PALS1: variants seen among roughly 807,000 people sequenced by gnomAD.
The protein encoded by PALS1 is protein PALS1.
A neutral mutation model predicts 78.9 loss-of-function variants in PALS1; 31 were observed. That is an observed-to-expected ratio of 0.39 (90% CI 0.30 to 0.53). PALS1 has a LOEUF of 0.53. PALS1 is among the 20% of genes least tolerant of loss of function. The probability of loss-of-function intolerance (pLI) is 0.67; values close to 1 mark genes in which losing one functional copy is unlikely to be tolerated. For missense variants in PALS1, 704 were observed against 826.5 expected, an observed-to-expected ratio of 0.85 and a Z score of 1.82; for synonymous variants, 276 against 270.9, an observed-to-expected ratio of 1.02 and a Z score of -0.18.
intron 2 of PALS1, chr14:67,271,067 C>T (rs1028265200): frequency 1.3e-5 from 2 of 152,150 alleles, no homozygotes; most frequent in Non-Finnish European, 2.9e-5. Flanking sequence ...GAAGTTTATT[C>T]TCCAGGTAGT....
intron 8 of PALS1, among the ~76,000 whole-genome samples, chr14:67,308,008 T>C (rs1374552415): frequency 2.0e-5 from 3 of 152,046 alleles, no homozygotes; most frequent in African/African-American, 7.2e-5. Context: ...CATGTTCTCT[T>C]ACATGTGGGA....
intron 5 of PALS1, 45 bp from the exon 6 acceptor site, chr14:67,301,923 GAAAT>G: frequency 1.3e-6 from 2 of 1,553,802 alleles, no homozygotes; most frequent in Non-Finnish European, 1.7e-6. Context: ...TCACTCTGCA[GAAAT>G]AAATCATGCT....
chr14:67,283,831 G>A (rs1388524549), intron 3 of PALS1, among the ~76,000 whole-genome samples: 3 of 152,124 alleles, frequency 2.0e-5, no homozygotes, highest in South Asian at 4.1e-4. Flanking sequence ...GACACAATAC[G>A]TTGAAACTTC....
At chr14:67,323,666 G>T (rs114130157) in intron 13 of PALS1, 36 bp from the exon 14 acceptor site, 5 of 872,826 alleles carry the variant, frequency 5.7e-6, no homozygotes, top group Non-Finnish European at 8.8e-6. Flanking sequence ...ATTAAATGAT[G>T]CAAATTATTT....
rs181549833 is a variant in PALS1 at position 67,305,491 on chromosome 14, G to T, written c.1041+1892G>T. Reference sequence around the variant, plus strand: ...GAGATGGCTTTCACTATGTTGCCCAGGCTAGTCTCGAACTCCTGAGCTCAA... The same window carrying T: ...GAGATGGCTTTCACTATGTTGCCCATGCTAGTCTCGAACTCCTGAGCTCAA... On this transcript the variant is annotated intron_variant, in intron 8 of 14. Coordinates refer to ENST00000261681, the MANE Select transcript of PALS1 (RefSeq NM_022474.4). Among the ~76,000 whole-genome samples the T allele has an allele frequency of 1.8e-3, 267 of 152,286 alleles. 1 individual carries two copies. The highest frequency in any genetic ancestry group is 6.1e-3 in the African/African-American group (253 of 41,556).
chr14:67,305,171 G>A (rs2084982638), intron 8 of PALS1, among the ~76,000 whole-genome samples: 1 of 152,182 alleles, frequency 6.6e-6, no homozygotes, highest in South Asian at 2.1e-4. Flanking sequence ...TCTGCAAACT[G>A]AGGAAACATA....
At chr14:67,264,473 T>C (rs1185601168) in intron 1 of PALS1, among the ~76,000 whole-genome samples, 1 of 152,172 alleles carries the variant, frequency 6.6e-6, no homozygotes, top group African/African-American at 2.4e-5. Context: ...TATTTTTTCA[T>C]GTGTTTTCTT....
At chr14:67,301,366 T>A in intron 4 of PALS1, 23 bp from the exon 5 acceptor site, 2 of 1,563,578 alleles carry the variant, frequency 1.3e-6, no homozygotes, top group Non-Finnish European at 1.8e-6. Context: ...CTAGGAAGAA[T>A]AATCTTTATT....
In PALS1 at chr14:67,278,077, C is replaced by T. The variant is rs1457528215; in HGVS notation, c.-153-941C>T. Among the ~76,000 whole-genome samples, 4 of 150,022 alleles carry T rather than the reference C, an allele frequency of 2.7e-5. No homozygotes were observed. The Admixed American group carries it at 2.7e-4, about 10-fold the overall frequency. On this transcript the variant is annotated intron_variant, in intron 2 of 14. Coordinates refer to ENST00000261681, the MANE Select transcript of PALS1 (RefSeq NM_022474.4). ...TTTGAGATGGAGTCTCGCTCTGTCACCCAGGCTGGAGTGCAGTGGTGTGAT... is the reference window on the plus strand; with the variant it reads ...TTTGAGATGGAGTCTCGCTCTGTCATCCAGGCTGGAGTGCAGTGGTGTGAT...
chr14:67,279,296 T>G lies in PALS1; in HGVS notation c.126T>G (p.Asp42Glu), dbSNP rs752061959. 5 of 1,612,158 alleles carry G rather than the reference T, an allele frequency of 3.1e-6. No individual in the cohort carries two copies. In the South Asian group the frequency reaches 5.5e-5, roughly 18 times the overall value. The stretch of plus-strand genomic sequence containing the variant: ...AGATGGCTGTTGACTGCCCTGGAGA[T>G]TTGGGCACCAGGATGATGCCAATAC... ...HREMAVDCPG[D>E]LGTRMMPIRR... is the part of the protein sequence containing the mutation. Residue 42 changes from aspartate to glutamate, a missense_variant, in exon 3 of 15, where the codon GAT (aspartate) becomes GAG (glutamate). Physicochemically the swap from Asp to Glu is conservative, Grantham distance 45. Transcript: ENST00000261681.
chr14:67,258,716 C>A (rs1355695797), intron 1 of PALS1, among the ~76,000 whole-genome samples: 1 of 152,036 alleles, frequency 6.6e-6, no homozygotes, highest in East Asian at 1.9e-4. Flanking sequence ...GCCACTATGC[C>A]CAGCCTTCAG....
At chr14:67,326,368 G>A (rs1466080072) in intron 14 of PALS1, among the ~76,000 whole-genome samples, 4 of 150,190 alleles carry the variant, frequency 2.7e-5, no homozygotes, top group Non-Finnish European at 4.4e-5. Context: ...TGTGCCACAG[G>A]TCCTAGCTTA....
At chr14:67,250,123 T>C (rs927497692) in intron 1 of PALS1, among the ~76,000 whole-genome samples, 1 of 149,430 alleles carries the variant, frequency 6.7e-6, no homozygotes, top group Non-Finnish European at 1.5e-5. Flanking sequence ...AAACCATTGA[T>C]GTAGATAGAC....
At chr14:67,268,986 C>T (rs1320157099) in intron 1 of PALS1, among the ~76,000 whole-genome samples, 10 of 152,182 alleles carry the variant, frequency 6.6e-5, no homozygotes, top group African/African-American at 2.4e-4. Flanking sequence ...TAATTTGCAT[C>T]ATTCCGCAAG....
At chr14:67,286,955 C>T (rs1044453433) in intron 3 of PALS1, among the ~76,000 whole-genome samples, 9 of 147,022 alleles carry the variant, frequency 6.1e-5, no homozygotes, top group Non-Finnish European at 9.0e-5. Context: ...TGGTGGCTCA[C>T]GCCTGTAATC....
intron 13 of PALS1, among the ~76,000 whole-genome samples, chr14:67,322,516 C>T (rs2085277552): frequency 6.6e-6 from 1 of 152,056 alleles, no homozygotes. Context: ...AGTCAGTGGT[C>T]ATTAAAGAGA....
intron 1 of PALS1, chr14:67,241,883 G>C (rs1423521166): frequency 6.6e-6 from 1 of 152,022 alleles, no homozygotes; most frequent in African/African-American, 2.4e-5. Context: ...CCGAGGTCGC[G>C]ACGCGCGGGA....
At chr14:67,324,897 ATTTTT>A (rs1197663812) in intron 14 of PALS1, among the ~76,000 whole-genome samples, 4 of 76,334 alleles carry the variant, frequency 5.2e-5, no homozygotes, top group African/African-American at 1.2e-4. Context: ...CCTTCCTTTC[ATTTTT>A]TTTTTTTTTT....
chr14:67,312,733 G>A (rs752479819), intron 9 of PALS1, 23 bp downstream of exon 9: 4 of 1,487,562 alleles, frequency 2.7e-6, no homozygotes, highest in Non-Finnish European at 2.7e-6. Flanking sequence ...ATGGTAGAAA[G>A]TACATAATAT....
Sources: allele counts gnomAD v4.1 joint callset (sites outside exome capture counted in the v4.1 genomes callset), GRCh38; gene constraint gnomAD v4.1.1; transcripts MANE v1.5; gene names NCBI Gene and HGNC (gene_info 2026-07-23, HGNC 2026-07-21).